CCDC93: variants seen among roughly 807,000 people sequenced by gnomAD.
The protein encoded by CCDC93 is coiled-coil domain-containing protein 93.
A neutral mutation model predicts 108.2 loss-of-function variants in CCDC93; 61 were observed. The ratio of observed to expected loss-of-function variants is 0.56; its 90% CI spans 0.46 to 0.70. The LOEUF is 0.70. Ranked by LOEUF, CCDC93 falls within the 30% of genes least tolerant of loss-of-function variation. The pLI, the probability that CCDC93 is intolerant of heterozygous loss-of-function variation, is 0.00. For missense variants in CCDC93, 685 were observed against 764.2 expected (o/e 0.90, Z 1.22); for synonymous variants, 276 against 260.4 (o/e 1.06, Z -0.58).
At chr2:117,940,915 AG>A (rs1678680988) in intron 19 of CCDC93, among the ~76,000 whole-genome samples, 1 of 152,194 alleles carries the variant, frequency 6.6e-6, no homozygotes, top group Admixed American at 6.5e-5. Context: ...GTGGGAGCTC[AG>A]GGGAAGGCTG....
intron 3 of CCDC93, among the ~76,000 whole-genome samples, chr2:118,005,752 C>CA (rs11439902): frequency 0.88 from 118,554 of 134,518 alleles, 52,223 homozygotes; most frequent in East Asian, 0.98. Context: ...GACTCTGTCT[C>CA]AAAAAAAAAA....
At chr2:117,976,836 G>T (rs1679957892) in intron 8 of CCDC93, among the ~76,000 whole-genome samples, 1 of 151,524 alleles carries the variant, frequency 6.6e-6, no homozygotes, top group Non-Finnish European at 1.5e-5. Flanking sequence ...TGGGGAGTGG[G>T]TACAATGGAG....
chr2:117,929,151 C>A (rs1016495005), intron 23 of CCDC93, among the ~76,000 whole-genome samples: 2 of 152,060 alleles, frequency 1.3e-5, no homozygotes, highest in African/African-American at 2.4e-5. Flanking sequence ...AGAAGATATA[C>A]CTAATGTTAA....
At position 117,969,200 on chromosome 2, in the gene CCDC93, C is replaced by T. The variant is rs564633020; in HGVS notation, c.888+4708G>A. ...CCTGCCCTGCAGGGAGATGCCCTCC[C>T]TTGCTAGCTTTGATGAAATAAGTGG... On this transcript the variant is annotated intron_variant, in intron 11 of 23. Transcript: ENST00000376300. Among the ~76,000 whole-genome samples the T allele has an allele frequency of 2.0e-5, 3 of 152,330 alleles. No individual in the cohort carries two copies. In the East Asian group the frequency reaches 5.8e-4, roughly 29 times the overall value.
chr2:117,934,296 T>C (rs1450529327), intron 22 of CCDC93, among the ~76,000 whole-genome samples: 1 of 152,158 alleles, frequency 6.6e-6, no homozygotes, highest in Non-Finnish European at 1.5e-5. Flanking sequence ...CACTGACACC[T>C]GGGTTGTCAG....
intron 16 of CCDC93, 131 bp from the exon 17 acceptor site, chr2:117,945,713 C>T (rs968319413): frequency 1.3e-5 from 9 of 713,172 alleles, no homozygotes; most frequent in Non-Finnish European, 2.0e-5. Flanking sequence ...TGATGTCCCC[C>T]GAGCATGTCT....
chr2:117,955,998 A>G (rs527317394), intron 12 of CCDC93, among the ~76,000 whole-genome samples: 1 of 152,366 alleles, frequency 6.6e-6, no homozygotes, highest in Non-Finnish European at 1.5e-5. Flanking sequence ...AATTTAAAAA[A>G]AGCACTTGAA....
intron 23 of CCDC93, chr2:117,921,535 C>T (rs1216597251): frequency 6.6e-6 from 1 of 152,188 alleles, no homozygotes; most frequent in East Asian, 1.9e-4. Context: ...AGAGGTAGAG[C>T]TCACAGGCTT....
At chr2:118,006,701 G>C in intron 3 of CCDC93, 21 bp downstream of exon 3, 1 of 1,476,404 alleles carries the variant, frequency 6.8e-7, no homozygotes, top group South Asian at 1.1e-5. Flanking sequence ...CCACCTTTAG[G>C]TTTTCCATAG....
chr2:117,921,983 G>A (rs955525725), intron 23 of CCDC93, among the ~76,000 whole-genome samples: 1 of 151,880 alleles, frequency 6.6e-6, no homozygotes, highest in Non-Finnish European at 1.5e-5. Context: ...AATGGCTTGA[G>A]ATGTACTTGG....
chr2:117,941,277 T>C lies in CCDC93; in HGVS notation c.1434A>G (p.Ile478Met), dbSNP rs933475665. The C allele has an allele frequency of 6.2e-7, 1 of 1,613,942 alleles. No homozygotes were observed. The highest frequency in any genetic ancestry group is 8.5e-7 in the Non-Finnish European group (1 of 1,179,806). Residue 478 changes from isoleucine (I) to methionine (M), a missense_variant, in exon 19 of 24, where the codon ATA (isoleucine) becomes ATG (methionine). Transcript: ENST00000376300. ...RLLQARRNRE[I>M]AILHRKIDEV... is the part of the protein sequence containing the mutation. ...CATCAATCTTGCGGTGCAAAATTGC[T>C]ATTTCTCGATTTCTTCGAGCCTAAA...
At chr2:117,947,693 CT>C (rs763811529) in intron 15 of CCDC93, among the ~76,000 whole-genome samples, 56 of 121,964 alleles carry the variant, frequency 4.6e-4, no homozygotes, top group African/African-American at 6.1e-4. Flanking sequence ...GATGAATCTG[CT>C]TTTTTTTTTT....
At chr2:118,001,182 G>A (rs1680840377) in intron 3 of CCDC93, 3 of 352,446 alleles carry the variant, frequency 8.5e-6, no homozygotes, top group Non-Finnish European at 1.5e-5. Context: ...TTTTTTGGAT[G>A]TAAAATATTT....
chr2:117,965,833 C>G (rs1308314037), intron 11 of CCDC93, among the ~76,000 whole-genome samples: 1 of 151,982 alleles, frequency 6.6e-6, no homozygotes, highest in African/African-American at 2.4e-5. Context: ...TATATCTAAT[C>G]ACTCTTTCAC....
At position 117,920,215 on chromosome 2, in the gene CCDC93, A is replaced by T; in HGVS notation, c.*128T>A. The T allele has an allele frequency of 1.7e-6, 1 of 585,708 alleles. No individual in the cohort carries two copies. 36.3% of individuals were successfully genotyped at this position (585,708 alleles called of 1,614,324 possible). On this transcript the variant is annotated 3_prime_UTR_variant, in exon 24 of 24. Coordinates refer to ENST00000376300, the MANE Select transcript of CCDC93 (RefSeq NM_019044.5). ...TGGAAGCAAAGAGGAGAAAGAAAAC[A>T]TCCAGGTTGTTGAAATCATCACAAC...
chr2:117,939,451 G>A (rs1678629401), intron 19 of CCDC93, among the ~76,000 whole-genome samples: 1 of 152,188 alleles, frequency 6.6e-6, no homozygotes, highest in South Asian at 2.1e-4. Flanking sequence ...CAGGTATTTT[G>A]ATGTAACTGC....
chr2:117,975,070 T>A, intron 9 of CCDC93, 118 bp downstream of exon 9: 1 of 1,049,440 alleles, frequency 9.5e-7, no homozygotes, highest in African/African-American at 1.6e-5. Flanking sequence ...GTGAAAGACC[T>A]GCTCACAGCA....
chr2:117,935,352 T>G, intron 22 of CCDC93, 143 bp downstream of exon 22: 1 of 632,158 alleles, frequency 1.6e-6, no homozygotes, highest in Non-Finnish European at 2.8e-6. Context: ...GTAAGACGCA[T>G]GGTGGGAATA....
chr2:117,944,985 AC>A (rs927808919), intron 17 of CCDC93, among the ~76,000 whole-genome samples: 32 of 152,288 alleles, frequency 2.1e-4, no homozygotes, highest in Middle Eastern at 3.4e-3. Flanking sequence ...AAATCCTACA[AC>A]CTTTGGGCCA....
Sources: gnomAD v4.1 joint callset for allele counts (sites outside exome capture counted in the v4.1 genomes callset) on GRCh38, gnomAD v4.1.1 for gene constraint, MANE v1.5 for transcripts, NCBI Gene and HGNC (gene_info 2026-07-23, HGNC 2026-07-21) for gene names.